The following OPA1 variants were observed in gnomAD, a reference collection of about 807,000 sequenced individuals.
OPA1 encodes the protein OPA1 mitochondrial dynamin like GTPase.
A neutral mutation model predicts 152.9 loss-of-function variants in OPA1; 59 were observed. The ratio of observed to expected loss-of-function variants is 0.39; its 90% confidence interval spans 0.31 to 0.48. The LOEUF is 0.48. OPA1 is among the 20% of genes least tolerant of loss of function. The pLI is 0.96. For synonymous variants in OPA1, 400 were observed against 389.9 expected (o/e 1.03, Z -0.31); for missense variants, 1,008 against 1,216.8 (o/e 0.83, Z 2.55).
At chr3:193,653,613 CATG>C (rs1713070215) in intron 21 of OPA1, among the ~76,000 whole-genome samples, 1 of 152,074 alleles carries the variant, frequency 6.6e-6, no homozygotes, top group African/African-American at 2.4e-5. Flanking sequence ...GAATTTTCAA[CATG>C]ATTATGCATC....
chr3:193,662,208 CCTT>C (rs1006811589), intron 25 of OPA1, among the ~76,000 whole-genome samples: 2 of 152,076 alleles, frequency 1.3e-5, no homozygotes, highest in African/African-American at 2.4e-5. Flanking sequence ...AAGTTTTCCT[CCTT>C]TGGTAAAGAG....
chr3:193,670,909 A>G (rs1422108116), intron 29 of OPA1, among the ~76,000 whole-genome samples: 1 of 152,098 alleles, frequency 6.6e-6, no homozygotes, highest in Non-Finnish European at 1.5e-5. Context: ...GGGTGTAGAA[A>G]GGAAGGGAGT....
chr3:193,617,479 A>G (rs373499322), intron 4 of OPA1, among the ~76,000 whole-genome samples, 194 bp downstream of exon 4: 38 of 152,340 alleles, frequency 2.5e-4, no homozygotes, highest in African/African-American at 8.9e-4. Context: ...CAGTAAAATG[A>G]CAGTTCCTAA....
chr3:193,619,028 G>T, intron 6 of OPA1, 92 bp downstream of exon 6: 1 of 1,006,920 alleles, frequency 9.9e-7, no homozygotes, highest in Non-Finnish European at 1.6e-6. Flanking sequence ...GATAACATCT[G>T]AGAAGCAAAT....
At chr3:193,609,811 T>G (rs1727906826) in intron 1 of OPA1, among the ~76,000 whole-genome samples, 1 of 152,210 alleles carries the variant, frequency 6.6e-6, no homozygotes, top group African/African-American at 2.4e-5. Context: ...CTGATACCCT[T>G]TCTTCCAGTT....
At chr3:193,596,685 T>C (rs989266330) in intron 1 of OPA1, 1 of 152,218 alleles carries the variant, frequency 6.6e-6, no homozygotes, top group Non-Finnish European at 1.5e-5. Context: ...GATTGCTGTT[T>C]TTGAATAACA....
chr3:193,608,733 G>A (rs1270697719), intron 1 of OPA1, among the ~76,000 whole-genome samples: 1 of 152,084 alleles, frequency 6.6e-6, no homozygotes, highest in African/African-American at 2.4e-5. Flanking sequence ...TTGGTGCAGA[G>A]CTGAGTTGAA....
intron 1 of OPA1, 122 bp downstream of exon 1, chr3:193,593,531 T>A: frequency 9.8e-7 from 1 of 1,015,246 alleles, no homozygotes; most frequent in Admixed American, 3.5e-5. Flanking sequence ...AGTTGGAGAA[T>A]TCCCAGATGT....
At chr3:193,596,362 T>C in intron 1 of OPA1, among the ~76,000 whole-genome samples, 1 of 49,742 alleles carries the variant, frequency 2.0e-5, no homozygotes, top group South Asian at 9.4e-4. Context: ...TTTTCTTTTC[T>C]TAATTTTCTT....
chr3:193,668,706 A>C (rs1717253715), intron 29 of OPA1: 2 of 1,358,202 alleles, frequency 1.5e-6, no homozygotes, highest in African/African-American at 2.9e-5. Flanking sequence ...CAGGTCAGGC[A>C]TTAACACCTG....
chr3:193,627,132 T>G (rs948120957), intron 7 of OPA1: 1 of 152,216 alleles, frequency 6.6e-6, no homozygotes, highest in South Asian at 2.1e-4. Flanking sequence ...CATTCTACTA[T>G]TTAAATCAAC....
At chr3:193,675,327 GAA>G (rs988338349) in intron 29 of OPA1, among the ~76,000 whole-genome samples, 3 of 63,396 alleles carry the variant, frequency 4.7e-5, no homozygotes, top group African/African-American at 1.2e-4. Context: ...TTTTTTTTAA[GAA>G]AAAAAAAAAA....
intron 27 of OPA1, among the ~76,000 whole-genome samples, chr3:193,665,256 T>TA (rs946026861): frequency 4.4e-5 from 5 of 113,448 alleles, no homozygotes; most frequent in Admixed American, 8.2e-5. Flanking sequence ...ATATAAATAG[T>TA]AAAAAAAATA....
intron 7 of OPA1, among the ~76,000 whole-genome samples, chr3:193,628,347 C>T (rs1731503547): frequency 6.6e-6 from 1 of 152,040 alleles, no homozygotes; most frequent in African/African-American, 2.4e-5. Context: ...GTTTTGCTTC[C>T]TATGGATATG....
chr3:193,642,184 G>T (rs185571448), intron 11 of OPA1, among the ~76,000 whole-genome samples: 20 of 152,120 alleles, frequency 1.3e-4, no homozygotes, highest in Admixed American at 1.3e-3. Context: ...GAAGCCTGTC[G>T]TAGCTCCCTT....
chr3:193,630,531 A>G lies in OPA1; in HGVS notation c.790-1081A>G, dbSNP rs551258956. 4.6e-5 allele frequency among the ~76,000 whole-genome samples: 7 copies of G among 152,298 alleles called. No homozygotes were observed. The South Asian group carries it at 1.5e-3, about 32-fold the overall frequency. On this transcript the variant is annotated intron_variant, in intron 7 of 30. Coordinates refer to ENST00000361510, the MANE Select transcript of OPA1 (RefSeq NM_130837.3). ...TATTAATGTCTACCTCAATAAGCAA[A>G]TCATTTAAAAATTTTTCATGTATAT...
At chr3:193,683,118 T>C (rs1054820543) in intron 29 of OPA1, among the ~76,000 whole-genome samples, 7 of 152,192 alleles carry the variant, frequency 4.6e-5, no homozygotes, top group Non-Finnish European at 8.8e-5. Context: ...CCCTCATGGA[T>C]GACTTTGAAG....
chr3:193,656,595 C>T (rs6444735), intron 22 of OPA1, among the ~76,000 whole-genome samples: 75,175 of 151,860 alleles, frequency 0.5, 19,025 homozygotes, highest in African/African-American at 0.56. Flanking sequence ...CATTTAAAAC[C>T]TTTTGCAGTG....
chr3:193,638,955 G>A (rs1733344142), intron 11 of OPA1, among the ~76,000 whole-genome samples: 1 of 152,190 alleles, frequency 6.6e-6, no homozygotes, highest in African/African-American at 2.4e-5. Flanking sequence ...GTCGGAGCAA[G>A]TGGGAAAAGG....
Sources: allele counts gnomAD v4.1 joint callset (sites outside exome capture counted in the v4.1 genomes callset), GRCh38; gene constraint gnomAD v4.1.1; transcripts MANE v1.5; gene names NCBI Gene and HGNC (gene_info 2026-07-23, HGNC 2026-07-21).